Variants in PIP5K1B observed in about 807,000 individuals in gnomAD.
PIP5K1B encodes phosphatidylinositol 4-phosphate 5-kinase type-1 beta.
Under a neutral mutation model 67.0 loss-of-function variants are expected in PIP5K1B, and 42 were observed. The observed-to-expected ratio is 0.63, with a 90% CI of 0.49 to 0.81. The LOEUF (loss-of-function observed/expected upper bound fraction) is 0.81. PIP5K1B is among the 30% of genes least tolerant of loss of function. The probability of loss-of-function intolerance (pLI) is 0.00; values close to 1 mark genes in which losing one functional copy is unlikely to be tolerated. For synonymous variants in PIP5K1B, 214 were observed against 231.4 expected (o/e 0.92, Z 0.68); for missense variants, 459 against 646.3 (o/e 0.71, Z 3.14).
At chr9:68,773,827 G>C (rs115006530) in intron 2 of PIP5K1B, among the ~76,000 whole-genome samples, 259 of 152,152 alleles carry the variant, frequency 1.7e-3, no homozygotes, top group African/African-American at 6.0e-3. Context: ...TACTTAACGG[G>C]CCCTCAATGA....
intron 8 of PIP5K1B, among the ~76,000 whole-genome samples, chr9:68,906,189 T>G (rs1355177716): frequency 1.3e-5 from 2 of 152,146 alleles, no homozygotes; most frequent in Non-Finnish European, 2.9e-5. Context: ...TGGCTAATTT[T>G]TGTATTTTTT....
At chr9:68,708,556 T>C (rs1827238573) in intron 1 of PIP5K1B, among the ~76,000 whole-genome samples, 1 of 112,966 alleles carries the variant, frequency 8.9e-6, no homozygotes. Context: ...CCCGCCCCTT[T>C]AGTTGTTAGT....
intron 14 of PIP5K1B, among the ~76,000 whole-genome samples, chr9:68,988,915 T>C (rs1013952712): frequency 4.6e-5 from 7 of 151,454 alleles, no homozygotes; most frequent in African/African-American, 1.7e-4. Context: ...GCCAACATGG[T>C]GAAACCCCAC....
At position 68,994,037 on chromosome 9, in the gene PIP5K1B, ATT is replaced by A. The variant is rs67700788; in HGVS notation, c.1620+2799_1620+2800del. Among the ~76,000 whole-genome samples the A allele has an allele frequency of 5.1e-3, 599 of 118,582 alleles. 2 individuals are homozygous for A. Among genetic ancestry groups the A allele is most frequent in the African/African-American group, 0.018 (569 of 32,420 alleles). The allele number at this position is 118,582 out of a possible 152,430, so 77.8% of individuals were successfully genotyped here. Reference sequence around the variant, plus strand: ...AAATTCTTTCACTGTTTTTTCCTGAATTTTTTTTTTTTTTTTTTTTGAGATGG... The same window carrying A: ...AAATTCTTTCACTGTTTTTTCCTGAATTTTTTTTTTTTTTTTTTGAGATGG... On this transcript the variant is annotated intron_variant, in intron 15 of 15. Coordinates refer to ENST00000265382, the MANE Select transcript of PIP5K1B (RefSeq NM_003558.4).
intron 5 of PIP5K1B, among the ~76,000 whole-genome samples, chr9:68,876,115 T>C (rs1823882309): frequency 6.6e-6 from 1 of 152,228 alleles, no homozygotes; most frequent in African/African-American, 2.4e-5. Context: ...GATAATGATA[T>C]ATTGAGGAAT....
At chr9:68,862,387 A>G (rs753732590) in intron 4 of PIP5K1B, among the ~76,000 whole-genome samples, 3 of 152,250 alleles carry the variant, frequency 2.0e-5, no homozygotes, top group African/African-American at 4.8e-5. Flanking sequence ...TGGATTGATT[A>G]CCAGGGCAAT....
intron 1 of PIP5K1B, among the ~76,000 whole-genome samples, chr9:68,718,432 G>T (rs1048787707): frequency 6.6e-6 from 1 of 152,164 alleles, no homozygotes; most frequent in African/African-American, 2.4e-5. Context: ...GAAGAATAAA[G>T]AATAATTTGA....
intron 2 of PIP5K1B, among the ~76,000 whole-genome samples, chr9:68,746,204 G>A (rs766817523): frequency 1.3e-5 from 2 of 149,852 alleles, no homozygotes; most frequent in Non-Finnish European, 3.0e-5. Context: ...TCAGCCTCCC[G>A]AGTAGCTAGG....
At chr9:68,867,147 CA>C (rs5898044) in intron 5 of PIP5K1B, among the ~76,000 whole-genome samples, 36,702 of 150,758 alleles carry the variant, frequency 0.24, 5,254 homozygotes, top group Middle Eastern at 0.34. Context: ...ATCTTCCCTT[CA>C]AAAAAAAATG....
chr9:68,712,759 A>G (rs879842332), intron 1 of PIP5K1B, among the ~76,000 whole-genome samples: 3 of 152,252 alleles, frequency 2.0e-5, no homozygotes, highest in Non-Finnish European at 2.9e-5. Context: ...ATTATTAAGA[A>G]AACACTGTCT....
intron 5 of PIP5K1B, among the ~76,000 whole-genome samples, chr9:68,867,548 G>A (rs781519925): frequency 1.9e-4 from 29 of 152,208 alleles, no homozygotes; most frequent in Non-Finnish European, 3.7e-4. Flanking sequence ...TTGGTCCCCA[G>A]GCCCTGCCAG....
chr9:68,868,240 T>C (rs1587587578), intron 5 of PIP5K1B, among the ~76,000 whole-genome samples: 1 of 151,994 alleles, frequency 6.6e-6, no homozygotes, highest in African/African-American at 2.4e-5. Flanking sequence ...GTTTCATGCA[T>C]TGATAGGATA....
intron 8 of PIP5K1B, among the ~76,000 whole-genome samples, chr9:68,895,834 G>A (rs7043133): frequency 0.49 from 74,390 of 151,708 alleles, 18,353 homozygotes; most frequent in East Asian, 0.63. Context: ...CAATTCTTTG[G>A]AGTCAGTACT....
At chr9:68,922,717 T>C (rs1826472765) in intron 11 of PIP5K1B, among the ~76,000 whole-genome samples, 1 of 152,172 alleles carries the variant, frequency 6.6e-6, no homozygotes, top group African/African-American at 2.4e-5. Context: ...GAGTTAACAG[T>C]TTAATTCAAT....
At chr9:68,908,940 G>T (rs1825737584) in intron 8 of PIP5K1B, among the ~76,000 whole-genome samples, 1 of 152,182 alleles carries the variant, frequency 6.6e-6, no homozygotes, top group African/African-American at 2.4e-5. Context: ...ACATCTTCCT[G>T]TCAGCTCCAC....
chr9:68,975,661 C>A (rs1829602036), intron 14 of PIP5K1B, among the ~76,000 whole-genome samples: 1 of 152,154 alleles, frequency 6.6e-6, no homozygotes. Flanking sequence ...AAATTTGTCT[C>A]ACCGTTCTGG....
chr9:68,902,493 C>T (rs907441849), intron 8 of PIP5K1B, among the ~76,000 whole-genome samples: 8 of 152,176 alleles, frequency 5.3e-5, no homozygotes, highest in Non-Finnish European at 1.2e-4. Flanking sequence ...GGATGTATCA[C>T]AGTTTATAAC....
At chr9:68,794,207 A>C (rs1282006043) in intron 2 of PIP5K1B, among the ~76,000 whole-genome samples, 1 of 152,252 alleles carries the variant, frequency 6.6e-6, no homozygotes, top group Non-Finnish European at 1.5e-5. Flanking sequence ...AATTGGAGAC[A>C]GCCAGATAGC....
chr9:68,777,721 A>G (rs1830988598), intron 2 of PIP5K1B, among the ~76,000 whole-genome samples: 1 of 152,220 alleles, frequency 6.6e-6, no homozygotes, highest in African/African-American at 2.4e-5. Context: ...GGTAATTATT[A>G]TGTTTATCCA....
Sources: allele counts gnomAD v4.1 joint callset (sites outside exome capture counted in the v4.1 genomes callset), GRCh38; gene constraint gnomAD v4.1.1; transcripts MANE v1.5; gene names NCBI Gene and HGNC (gene_info 2026-07-23, HGNC 2026-07-21).